The following SIX4 variants were observed in gnomAD, a reference collection of about 807,000 sequenced individuals.
SIX4 encodes the protein homeobox protein SIX4.
Under a neutral mutation model 51.5 loss-of-function variants are expected in SIX4, and 23 were observed. The observed-to-expected ratio is 0.45, with a 90% CI of 0.32 to 0.63. SIX4 has a LOEUF of 0.63. SIX4 is among the 30% of genes least tolerant of loss of function. SIX4 has a pLI of 0.04. For synonymous variants in SIX4, 413 were observed against 417.3 expected (o/e 0.99, Z 0.13); for missense variants, 867 against 984.0 (o/e 0.88, Z 1.59).
At chr14:60,723,027 C>G in intron 1 of SIX4, 185 bp downstream of exon 1, 3 of 1,363,166 alleles carry the variant, frequency 2.2e-6, no homozygotes, top group African/African-American at 1.5e-5. Flanking sequence ...GGTTCCCCCG[C>G]CCCCCGCCTC....
intron 1 of SIX4, 101 bp downstream of exon 1, chr14:60,723,111 T>C: frequency 2.9e-6 from 4 of 1,363,680 alleles, no homozygotes. Context: ...ACCAGGCTGG[T>C]GGGGAAGGTA....
intron 1 of SIX4, chr14:60,721,170 T>A: frequency 1.0e-6 from 1 of 985,448 alleles, no homozygotes; most frequent in Non-Finnish European, 1.2e-6. Context: ...GGAAAGGGTG[T>A]CACTCAGAGG....
chr14:60,724,137 C>T lies in SIX4; in HGVS notation c.-63G>A, dbSNP rs1896094951. 6.2e-7 allele frequency: 1 copy of T among 1,604,096 alleles called. No individual in the cohort carries two copies. Among genetic ancestry groups the T allele is most frequent in the African/African-American group, 1.3e-5 (1 of 74,612 alleles). ...GCACTCTTTTCCTCTTTCTTTCCTC[C>T]TCTCTTACTCCTCCTCCTTCGTCTC... On this transcript the variant is annotated 5_prime_UTR_variant, in exon 1 of 3. Coordinates refer to ENST00000216513, the MANE Select transcript of SIX4 (RefSeq NM_017420.5).
Position 60,719,673 on chromosome 14 carries a change from C to A in SIX4, c.1549+87G>T. 1 of 1,341,130 alleles carries A rather than the reference C, an allele frequency of 7.5e-7. No homozygotes were observed. Among genetic ancestry groups the A allele is most frequent in the Non-Finnish European group, 1.0e-6 (1 of 974,566 alleles). 83.1% of individuals were successfully genotyped at this position (1,341,130 alleles called of 1,614,324 possible). ...TAATAAGGTACCTGAACAGAAACAT[C>A]AATCTATAGCTATCACCAAATGCGT... is the stretch of plus-strand genomic sequence containing the variant. On this transcript the variant is annotated intron_variant, in intron 2 of 2. Coordinates refer to ENST00000216513, the MANE Select transcript of SIX4 (RefSeq NM_017420.5). The surrounding 1 kb of genome is among the most constrained non-coding windows in gnomAD (Gnocchi z 4.9).
At chr14:60,721,321 G>C (rs1896014700) in intron 1 of SIX4, among the ~76,000 whole-genome samples, 1 of 152,122 alleles carries the variant, frequency 6.6e-6, no homozygotes, top group African/African-American at 2.4e-5. Context: ...CATTTGGTCT[G>C]AGGCTGGGAG....
At position 60,723,406 on chromosome 14, in the gene SIX4, G is replaced by A; in HGVS notation, c.669C>T (p.Gly223=). The change falls in exon 1 of 3, where the codon GGC becomes GGT. Residue 223 remains glycine, a synonymous_variant. Coordinates refer to ENST00000216513, the MANE Select transcript of SIX4 (RefSeq NM_017420.5). ...CCTTGAAACAATACACCGTCTCCTCGCCGTCCCAGATGGTGCGGGGCAGGG... is the reference window on the plus strand; with the variant it reads ...CCTTGAAACAATACACCGTCTCCTCACCGTCCCAGATGGTGCGGGGCAGGG... ...KFPLPRTIWD[G]EETVYCFKEK... The A allele has an allele frequency of 6.2e-7, 1 of 1,611,510 alleles. No homozygotes were observed. Among genetic ancestry groups the A allele is most frequent in the Non-Finnish European group, 8.5e-7 (1 of 1,179,936 alleles).
intron 1 of SIX4, 100 bp downstream of exon 1, chr14:60,723,111 TG>T: frequency 7.3e-7 from 1 of 1,363,680 alleles, no homozygotes; most frequent in Non-Finnish European, 9.3e-7. Flanking sequence ...ACCAGGCTGG[TG>T]GGGAAGGTAA....
chr14:60,723,848 G>C lies in SIX4; in HGVS notation c.227C>G (p.Ala76Gly). 6.6e-7 allele frequency: 1 copy of C among 1,523,886 alleles called. No individual in the cohort carries two copies. The highest frequency in any genetic ancestry group is 8.7e-7 in the Non-Finnish European group (1 of 1,147,348). 94.4% of individuals were successfully genotyped at this position (1,523,886 alleles called of 1,614,324 possible). The change falls in exon 1 of 3, where the codon GCG becomes GGG. Residue 76 changes from alanine (A) to glycine (G), a missense_variant. Ala to Gly is a moderately conservative substitution (Grantham distance 60, BLOSUM62 0). Transcript: ENST00000216513. ...TACCTGATCCGCCGCCGCTCCGGCC[G>C]CCGCCGCCGCCACTGCCCCTTCCTC... is the stretch of plus-strand genomic sequence containing the variant. ...SGEEGAVAAAAAGAAADQVQL... is the reference protein window; with the variant it reads ...SGEEGAVAAAGAGAAADQVQL...
Position 60,714,028 on chromosome 14 carries a change from G to A in SIX4, c.1725C>T (p.Ser575=). 1.2e-6 allele frequency: 2 copies of A among 1,614,030 alleles called. No individual in the cohort carries two copies. The highest frequency in any genetic ancestry group is 1.7e-6 in the Non-Finnish European group (2 of 1,180,008). Reference sequence around the variant, plus strand: ...CAGGCATCAACTGAGAAAATACCAGGCTCCTTTCCAAGCCTTCCTGTTTCA... The same window carrying A: ...CAGGCATCAACTGAGAAAATACCAGACTCCTTTCCAAGCCTTCCTGTTTCA... The part of the protein sequence containing the change: ...GSVKQEGLER[S]LVFSQLMPVN... Residue 575 remains serine, a synonymous_variant, in exon 3 of 3, where the codon AGC becomes AGT. Coordinates refer to ENST00000216513, the MANE Select transcript of SIX4 (RefSeq NM_017420.5).
chr14:60,716,041 G>A (rs1424388509), intron 2 of SIX4, among the ~76,000 whole-genome samples: 1 of 151,296 alleles, frequency 6.6e-6, no homozygotes, highest in Non-Finnish European at 1.5e-5. Flanking sequence ...AATTTTTGTA[G>A]TTTTAGTAGA....
At chr14:60,718,091 T>A (rs1192996320) in intron 2 of SIX4, 6 of 158,142 alleles carry the variant, frequency 3.8e-5, no homozygotes, top group African/African-American at 1.4e-4. Flanking sequence ...ATTCTACTTT[T>A]CCACATAAAT....
intron 2 of SIX4, among the ~76,000 whole-genome samples, chr14:60,714,610 T>C (rs1478683258): frequency 6.6e-6 from 1 of 152,084 alleles, no homozygotes; most frequent in East Asian, 1.9e-4. Flanking sequence ...ACTTTTTATG[T>C]CTCATGACCT....
chr14:60,723,200 G>T lies in SIX4; in HGVS notation c.863+12C>A, dbSNP rs199759443. ...GAGAGGAAGGGGGAGGAGGAGGAAA[G>T]TTGGCGCTCACCTTTTGGACTGGGT... On this transcript the variant is annotated intron_variant, in intron 1 of 2. Transcript: ENST00000216513. 2.5e-6 allele frequency: 4 copies of T among 1,593,550 alleles called. No individual in the cohort carries two copies. The highest frequency in any genetic ancestry group is 4.5e-5 in the East Asian group (2 of 44,472).
rs1229159860 is a variant in SIX4 at position 60,709,584 on chromosome 14, A to G, written c.*3823T>C. The G allele has an allele frequency of 1.3e-5, 2 of 152,676 alleles. No homozygotes were observed. Among genetic ancestry groups the G allele is most frequent in the Non-Finnish European group, 2.9e-5 (2 of 68,040 alleles). 9.5% of individuals were successfully genotyped at this position (152,676 alleles called of 1,614,324 possible). On this transcript the variant is annotated 3_prime_UTR_variant, in exon 3 of 3. Transcript: ENST00000216513. This position sits in a 1 kb window ranked among gnomAD's most constrained non-coding sequence, Gnocchi z 4.1. ...ATTTAGCATAGTGTTTAGAAAAATAAGTTCACATCATTTCAGAAAACAAAT... is the reference window on the plus strand; with the variant it reads ...ATTTAGCATAGTGTTTAGAAAAATAGGTTCACATCATTTCAGAAAACAAAT...
In SIX4 at chr14:60,719,813, C is replaced by G; in HGVS notation, c.1496G>C (p.Ser499Thr). Residue 499 changes from serine (S) to threonine (T), a missense_variant, in exon 2 of 3, where the codon AGC (serine) becomes ACC (threonine). Transcript: ENST00000216513. The surrounding 1 kb of genome is among the most constrained non-coding windows in gnomAD (Gnocchi z 4.9). Reference sequence around the variant, plus strand: ...CAGCTGCAGTGGAGAGAATCCAATGCTCCCATTAAGGAACTGGCTGTTTGC... The same window carrying G: ...CAGCTGCAGTGGAGAGAATCCAATGGTCCCATTAAGGAACTGGCTGTTTGC... ...SGANSQFLNG[S>T]IGFSPLQLPP... 1 of 1,614,194 alleles carries G rather than the reference C, an allele frequency of 6.2e-7. No individual in the cohort carries two copies. The highest frequency in any genetic ancestry group is 8.5e-7 in the Non-Finnish European group (1 of 1,180,032).
rs555082653 is a variant in SIX4, at chr14:60,717,368, C to T, written c.1549+2392G>A. Reference sequence around the variant, plus strand: ...ATTAACAGGCGTAAGCCACTGTGCCCGGCGTCTTTAAAATTCTTGTAGGCA... The same window carrying T: ...ATTAACAGGCGTAAGCCACTGTGCCTGGCGTCTTTAAAATTCTTGTAGGCA... On this transcript the variant is annotated intron_variant, in intron 2 of 2. Coordinates refer to ENST00000216513, the MANE Select transcript of SIX4 (RefSeq NM_017420.5). This position sits in a 1 kb window ranked among gnomAD's most constrained non-coding sequence, Gnocchi z 4.6. Among the ~76,000 whole-genome samples the T allele has an allele frequency of 2.6e-5, 4 of 152,128 alleles. No homozygotes were observed. Among genetic ancestry groups the T allele is most frequent in the South Asian group, 2.1e-4 (1 of 4,824 alleles).
At position 60,713,911 on chromosome 14, in the gene SIX4, T is replaced by A; in HGVS notation, c.1842A>T (p.Val614=). The A allele has an allele frequency of 6.2e-7, 1 of 1,614,152 alleles. No individual in the cohort carries two copies. Among genetic ancestry groups the A allele is most frequent in the Non-Finnish European group, 8.5e-7 (1 of 1,180,024 alleles). ...LHPLASSLVN[V]SPTHNFSLSP... is the part of the protein sequence containing the mutation. ...TGAGAGAAAAATTGTGAGTTGGAGA[T>A]ACATTAACTAATGAGGAGGCCAGTG... is the stretch of plus-strand genomic sequence containing the variant. Residue 614 remains valine (V), a synonymous_variant, in exon 3 of 3, where the codon GTA becomes GTT. Coordinates refer to ENST00000216513, the MANE Select transcript of SIX4 (RefSeq NM_017420.5).
chr14:60,723,703 GC>G lies in SIX4; in HGVS notation c.371del (p.Gly124AlafsTer26), dbSNP rs1372606899. 2 of 1,559,276 alleles carry G rather than the reference GC, an allele frequency of 1.3e-6. No individual in the cohort carries two copies. On this transcript the variant is annotated frameshift_variant, in exon 1 of 3. Transcript: ENST00000216513. LOFTEE classifies it high-confidence loss of function. ...GGAACCGGGCCAGGCGGTCCAGGTT[GC>G]CCCCCTGCTGCAGTGCCTCGCACAC... is the stretch of plus-strand genomic sequence containing the variant. Reference protein sequence around the residue: ...ACVCEALQQGGNLDRLARFLW... With the variant: ...ACVCEALQQGXNLDRLARFLW...
At position 60,717,745 on chromosome 14, in the gene SIX4, C is replaced by T. The variant is rs920314577; in HGVS notation, c.1549+2015G>A. ...ATGATAAGAAAAAAATCAGGCCAGG[C>T]GCTGTGGCTCATGCCTGTAATCCCA... On this transcript the variant is annotated intron_variant, in intron 2 of 2. Transcript: ENST00000216513. This position sits in a 1 kb window ranked among gnomAD's most constrained non-coding sequence, Gnocchi z 4.6. Among the ~76,000 whole-genome samples the T allele has an allele frequency of 7.2e-5, 11 of 152,080 alleles. No homozygotes were observed. The highest frequency in any genetic ancestry group is 5.9e-4 in the Admixed American group (9 of 15,272).
Sources: allele counts gnomAD v4.1 joint callset (sites outside exome capture counted in the v4.1 genomes callset), GRCh38; gene constraint gnomAD v4.1.1; non-coding constraint Gnocchi (gnomAD v3.1); transcripts MANE v1.5; gene names NCBI Gene and HGNC (gene_info 2026-07-23, HGNC 2026-07-21).